The following NPIPA6 variants were observed in gnomAD, a reference collection of about 807,000 sequenced individuals.
NPIPA6 encodes nuclear pore complex interacting protein family, member A6.
the NPIPA6 span, among the ~76,000 whole-genome samples, chr16:16,337,194 T>G: frequency 8.9e-6 from 1 of 112,302 alleles, no homozygotes; most frequent in Non-Finnish European, 1.8e-5. Flanking sequence ...CAAAGTGAAA[T>G]GTCATTTGAT....
the NPIPA6 span, among the ~76,000 whole-genome samples, chr16:16,338,351 T>A: frequency 8.9e-6 from 1 of 112,926 alleles, no homozygotes. Context: ...TCCCACGCTA[T>A]TCATGCCATT....
the NPIPA6 span, among the ~76,000 whole-genome samples, chr16:16,338,335 G>T: frequency 9.8e-6 from 1 of 101,714 alleles, no homozygotes; most frequent in East Asian, 3.7e-4. Context: ...AACAATCTTA[G>T]AGAAATCCCA....
the NPIPA6 span, chr16:16,336,631 TC>T: frequency 1.8e-5 from 3 of 162,194 alleles, no homozygotes; most frequent in Non-Finnish European, 3.4e-5. Context: ...TCCCCTTCCC[TC>T]CCCCCTGCCC....
the NPIPA6 span, chr16:16,337,332 G>C: frequency 1.2e-5 from 1 of 86,846 alleles, no homozygotes; most frequent in Non-Finnish European, 2.0e-5. Flanking sequence ...TCAAGCAATT[G>C]TCCTGCCTCA....
At chr16:16,333,400 TA>T in the NPIPA6 span, among the ~76,000 whole-genome samples, 291 of 72,346 alleles carry the variant, frequency 4.0e-3, no homozygotes, top group Admixed American at 5.1e-3. Flanking sequence ...AGACTCCATC[TA>T]AAAAAAAAAA....
At chr16:16,344,163 C>T in the NPIPA6 span, 1 of 25,802 alleles carries the variant, frequency 3.9e-5, no homozygotes, top group Non-Finnish European at 6.4e-5. Flanking sequence ...CTGTTGGAGT[C>T]CCCATAGTGT....
the NPIPA6 span, chr16:16,336,557 C>CT: frequency 5.1e-6 from 1 of 197,866 alleles, no homozygotes; most frequent in Admixed American, 7.5e-5. Flanking sequence ...TACTTCCCCC[C>CT]TTCCCCTCCC....
the NPIPA6 span, among the ~76,000 whole-genome samples, chr16:16,343,396 A>ATATT: frequency 7.1e-4 from 23 of 32,484 alleles, no homozygotes; most frequent in African/African-American, 3.7e-3. Context: ...TGGCCTATAT[A>ATATT]TTTTTTTTTT....
the NPIPA6 span, among the ~76,000 whole-genome samples, chr16:16,343,713 TTGTG>T: frequency 5.9e-3 from 478 of 81,510 alleles, 11 homozygotes; most frequent in East Asian, 0.018. Flanking sequence ...TTCTTGTGTG[TTGTG>T]TGTGTGTGTG....
the NPIPA6 span, among the ~76,000 whole-genome samples, chr16:16,343,615 C>T: frequency 1.6e-5 from 2 of 122,738 alleles, no homozygotes; most frequent in Non-Finnish European, 3.3e-5. Flanking sequence ...AGGCTGGTCT[C>T]AAACTCCCGA....
chr16:16,337,076 C>CT, the NPIPA6 span, among the ~76,000 whole-genome samples: 2 of 37,698 alleles, frequency 5.3e-5, no homozygotes, highest in Non-Finnish European at 9.0e-5. Context: ...ATCCCAGTTA[C>CT]TGGAGAGGCT....
the NPIPA6 span, chr16:16,331,882 C>T: frequency 8.2e-6 from 4 of 487,470 alleles, 1 homozygote; most frequent in Non-Finnish European, 1.4e-5. Flanking sequence ...GCTGAACCCG[C>T]TGAGCGTCGA....
chr16:16,343,791 G>A, the NPIPA6 span, among the ~76,000 whole-genome samples: 1 of 55,310 alleles, frequency 1.8e-5, no homozygotes, highest in African/African-American at 7.3e-5. Flanking sequence ...TGTGATCTCG[G>A]CTCACTGCAA....
the NPIPA6 span, chr16:16,336,634 C>A: frequency 1.2e-5 from 2 of 170,694 alleles, no homozygotes; most frequent in Non-Finnish European, 2.2e-5. Flanking sequence ...CCTTCCCTCC[C>A]CCCTGCCCTA....
chr16:16,336,493 T>C, the NPIPA6 span, among the ~76,000 whole-genome samples: 1 of 31,776 alleles, frequency 3.1e-5, no homozygotes, highest in African/African-American at 1.3e-4. Context: ...GACCCCTTTC[T>C]TCTTCTCCTC....
At chr16:16,337,932 ACT>A in the NPIPA6 span, among the ~76,000 whole-genome samples, 9 of 55,322 alleles carry the variant, frequency 1.6e-4, no homozygotes, top group Non-Finnish European at 1.3e-4. Context: ...CAGAAAGTGA[ACT>A]CTCACTCTTC....
the NPIPA6 span, among the ~76,000 whole-genome samples, chr16:16,343,359 G>A: frequency 4.4e-5 from 4 of 91,256 alleles, no homozygotes; most frequent in African/African-American, 1.4e-4. Context: ...CCAAAGTGCT[G>A]GGATTACAGG....
chr16:16,343,065 G>T, the NPIPA6 span, among the ~76,000 whole-genome samples: 1 of 101,680 alleles, frequency 9.8e-6, no homozygotes, highest in South Asian at 3.9e-4. Context: ...GAAGTGTACA[G>T]TTCAGTTGTG....
At chr16:16,336,634 C>G in the NPIPA6 span, 10 of 170,690 alleles carry the variant, frequency 5.9e-5, no homozygotes, top group East Asian at 6.7e-4. Flanking sequence ...CCTTCCCTCC[C>G]CCCTGCCCTA....
Sources: gnomAD v4.1 joint callset for allele counts (sites outside exome capture counted in the v4.1 genomes callset) on GRCh38, gnomAD v4.1.1 for gene constraint, MANE v1.5 for transcripts, NCBI Gene and HGNC (gene_info 2026-07-23, HGNC 2026-07-21) for gene names.